Variants in GULP1 observed in about 807,000 individuals in gnomAD.
GULP1 encodes PTB domain-containing engulfment adapter protein 1.
A neutral mutation model predicts 40.9 loss-of-function variants in GULP1; 19 were observed. The observed-to-expected ratio is 0.46, with a 90% confidence interval of 0.32 to 0.68. The LOEUF (loss-of-function observed/expected upper bound fraction) is 0.68, where lower values mean the gene tolerates loss of function less well. GULP1 is among the 30% of genes least tolerant of loss of function. The probability of loss-of-function intolerance (pLI) is 0.03; values close to 1 mark genes in which losing one functional copy is unlikely to be tolerated. For synonymous variants in GULP1, 119 were observed against 117.6 expected (o/e 1.01, Z -0.08); for missense variants, 312 against 362.2 (o/e 0.86, Z 1.12).
intron 4 of GULP1, among the ~76,000 whole-genome samples, chr2:188,507,403 T>C (rs1366319291): frequency 6.7e-6 from 1 of 150,016 alleles, no homozygotes; most frequent in Non-Finnish European, 1.5e-5. Flanking sequence ...TTTCTTTTTT[T>C]TTTTTTTTTT....
intron 2 of GULP1, among the ~76,000 whole-genome samples, chr2:188,471,633 CAACT>C (rs2060601573): frequency 6.6e-6 from 1 of 152,090 alleles, no homozygotes; most frequent in African/African-American, 2.4e-5. Flanking sequence ...TTGCATAAAC[CAACT>C]AACAAGCAAA....
chr2:188,413,210 C>T (rs899402529), intron 2 of GULP1, among the ~76,000 whole-genome samples: 1 of 152,150 alleles, frequency 6.6e-6, no homozygotes, highest in African/African-American at 2.4e-5. Flanking sequence ...TCACATCACT[C>T]GTTGGGATCA....
chr2:188,426,825 G>A (rs568786738), intron 2 of GULP1, among the ~76,000 whole-genome samples: 4 of 152,182 alleles, frequency 2.6e-5, no homozygotes, highest in Non-Finnish European at 5.9e-5. Context: ...TGGGTCATGG[G>A]CAGAGGTTAG....
intron 1 of GULP1, among the ~76,000 whole-genome samples, chr2:188,301,581 A>G (rs1248611858): frequency 6.6e-6 from 1 of 152,192 alleles, no homozygotes; most frequent in African/African-American, 2.4e-5. Context: ...TCCTACTCCT[A>G]ATTCAAGGGA....
chr2:188,538,265 T>A (rs1433476278), intron 6 of GULP1, among the ~76,000 whole-genome samples: 3 of 152,108 alleles, frequency 2.0e-5, no homozygotes, highest in African/African-American at 7.2e-5. Flanking sequence ...CCTCTAGGTG[T>A]GATATTAGAT....
intron 7 of GULP1, among the ~76,000 whole-genome samples, chr2:188,546,997 T>C (rs764091176): frequency 1.2e-4 from 18 of 151,950 alleles, no homozygotes; most frequent in Admixed American, 1.3e-4. Context: ...AATCACTCAT[T>C]ATTAAATAGA....
At chr2:188,420,209 A>C (rs1417928252) in intron 2 of GULP1, among the ~76,000 whole-genome samples, 1 of 152,094 alleles carries the variant, frequency 6.6e-6, no homozygotes, top group Non-Finnish European at 1.5e-5. Context: ...ATTTGTTCTA[A>C]TTTTGCAAAA....
At chr2:188,522,906 G>T in intron 5 of GULP1, 79 bp downstream of exon 5, 1 of 869,252 alleles carries the variant, frequency 1.2e-6, no homozygotes. Flanking sequence ...ATCAAAGCAT[G>T]AACAGCTTTG....
intron 1 of GULP1, among the ~76,000 whole-genome samples, chr2:188,336,573 G>A (rs1457453108): frequency 1.3e-5 from 2 of 152,136 alleles, no homozygotes; most frequent in Non-Finnish European, 2.9e-5. Flanking sequence ...CAGATAAATG[G>A]AAAAACAAGG....
At position 188,346,412 on chromosome 2, in the gene GULP1, C is replaced by A. The variant is rs188161788; in HGVS notation, c.-171-37351C>A. Among the ~76,000 whole-genome samples the A allele has an allele frequency of 4.6e-5, 7 of 152,206 alleles. No homozygotes were observed. In the East Asian group the frequency reaches 9.7e-4, roughly 21 times the overall value. On this transcript the variant is annotated intron_variant, in intron 1 of 11. Transcript: ENST00000409830. ...AGTGTAAACAAATTTTTAATGAAGG[C>A]TAATAACAGAGTCTTTAAGAAAACA...
chr2:188,581,180 T>C (rs1325728955), intron 9 of GULP1, among the ~76,000 whole-genome samples: 2 of 152,184 alleles, frequency 1.3e-5, no homozygotes, highest in East Asian at 3.9e-4. Context: ...TGAGACCACC[T>C]TATTCGAGGG....
intron 2 of GULP1, among the ~76,000 whole-genome samples, chr2:188,424,502 T>C (rs2055890121): frequency 6.6e-6 from 1 of 151,936 alleles, no homozygotes; most frequent in Non-Finnish European, 1.5e-5. Flanking sequence ...ATTTCACTTA[T>C]AAATATTTCT....
chr2:188,475,458 A>T (rs1318038881), intron 2 of GULP1, among the ~76,000 whole-genome samples: 1 of 151,618 alleles, frequency 6.6e-6, no homozygotes, highest in Non-Finnish European at 1.5e-5. Context: ...TTATTTTTTT[A>T]ATTTAAAAGC....
intron 2 of GULP1, among the ~76,000 whole-genome samples, chr2:188,432,655 A>G (rs1019305814): frequency 6.6e-6 from 1 of 152,110 alleles, no homozygotes; most frequent in Non-Finnish European, 1.5e-5. Flanking sequence ...TGCTTAATCA[A>G]TAAATTCAGA....
intron 2 of GULP1, among the ~76,000 whole-genome samples, chr2:188,430,174 A>G (rs1011905999): frequency 9.2e-5 from 14 of 152,248 alleles, no homozygotes; most frequent in Non-Finnish European, 7.3e-5. Context: ...GTCATAGGTC[A>G]TTGTAAAATA....
intron 2 of GULP1, among the ~76,000 whole-genome samples, chr2:188,400,337 T>G (rs1411417786): frequency 6.6e-6 from 1 of 152,206 alleles, no homozygotes; most frequent in African/African-American, 2.4e-5. Context: ...TCTGAACTGA[T>G]TGCATCTACA....
At chr2:188,408,200 C>T (rs776466309) in intron 2 of GULP1, among the ~76,000 whole-genome samples, 4 of 152,112 alleles carry the variant, frequency 2.6e-5, no homozygotes, top group African/African-American at 4.8e-5. Context: ...TGTGATGCCT[C>T]CCACCATTGT....
At chr2:188,393,620 C>T (rs556403429) in intron 2 of GULP1, among the ~76,000 whole-genome samples, 3 of 152,044 alleles carry the variant, frequency 2.0e-5, no homozygotes, top group South Asian at 2.1e-4. Flanking sequence ...TTATGTTGAT[C>T]ATTACCTAGA....
chr2:188,522,990 T>A (rs997092020), intron 5 of GULP1, 163 bp downstream of exon 5: 3 of 511,734 alleles, frequency 5.9e-6, no homozygotes, highest in African/African-American at 5.7e-5. Flanking sequence ...ACATTTTTAA[T>A]AACAAACATG....
Sources: gnomAD v4.1 joint callset for allele counts (sites outside exome capture counted in the v4.1 genomes callset) on GRCh38, gnomAD v4.1.1 for gene constraint, MANE v1.5 for transcripts, NCBI Gene and HGNC (gene_info 2026-07-23, HGNC 2026-07-21) for gene names.